The following ERBIN variants were observed in gnomAD, a reference collection of about 807,000 sequenced individuals.
ERBIN encodes erbb2 interacting protein.
A neutral mutation model predicts 158.4 loss-of-function variants in ERBIN; 60 were observed. The ratio of observed to expected loss-of-function variants is 0.38; its 90% CI spans 0.31 to 0.47. ERBIN has a LOEUF of 0.47. Ranked by LOEUF, ERBIN falls within the 20% of genes least tolerant of loss-of-function variation. The pLI is 0.99. For synonymous variants in ERBIN, 594 were observed against 557.2 expected (o/e 1.07, Z -0.93); for missense variants, 1,610 against 1,648.0 (o/e 0.98, Z 0.40).
Position 66,054,466 on chromosome 5 carries a change from C to T in ERBIN, c.3148C>T (p.Pro1050Ser), listed in dbSNP as rs150116651. 6.2e-7 allele frequency: 1 copy of T among 1,614,060 alleles called. No individual in the cohort carries two copies. The highest frequency in any genetic ancestry group is 8.5e-7 in the Non-Finnish European group (1 of 1,180,012). The change falls in exon 21 of 26, where the codon CCA becomes TCA. Residue 1050 changes from proline (P) to serine (S), a missense_variant. Around this residue, in one of 2 missense-constraint regions of ERBIN, gnomAD observed 1,014 missense variants for 936.1 expected, o/e 1.08. Transcript: ENST00000284037. ...ATACCATTTACATCAGAGACTTGGC[C>T]CAGCAAGACATGGGGAAATGTGGGC... is the stretch of plus-strand genomic sequence containing the variant. ...TAYHLHQRLG[P>S]ARHGEMWAIS... is the part of the protein sequence containing the mutation.
chr5:65,957,636 A>C lies in ERBIN; in HGVS notation c.-58+30830A>C, dbSNP rs139871548. Reference sequence around the variant, plus strand: ...CTTCTTTCCACACAGACACAGCAACAATCTGATTTCTCTATCCTTTCCCCA... The same window carrying C: ...CTTCTTTCCACACAGACACAGCAACCATCTGATTTCTCTATCCTTTCCCCA... On this transcript the variant is annotated intron_variant, in intron 1 of 25. Transcript: ENST00000284037. Among the ~76,000 whole-genome samples the C allele has an allele frequency of 8.1e-3, 1,236 of 152,294 alleles. 13 individuals carry two copies. The highest frequency in any genetic ancestry group is 0.028 in the African/African-American group (1,171 of 41,564).
chr5:65,931,585 A>G (rs927419668), intron 1 of ERBIN, among the ~76,000 whole-genome samples: 2 of 152,228 alleles, frequency 1.3e-5, no homozygotes, highest in African/African-American at 4.8e-5. Context: ...TTAGTGTAAC[A>G]TTGTTTTAAT....
chr5:66,032,249 G>A (rs1756964820), intron 14 of ERBIN, among the ~76,000 whole-genome samples: 1 of 152,154 alleles, frequency 6.6e-6, no homozygotes, highest in Non-Finnish European at 1.5e-5. Context: ...CTCAAGGATG[G>A]CAAATAAGAT....
At chr5:65,969,890 T>G (rs989410032) in intron 1 of ERBIN, among the ~76,000 whole-genome samples, 2 of 152,242 alleles carry the variant, frequency 1.3e-5, no homozygotes, top group African/African-American at 4.8e-5. Context: ...TATTGTTATT[T>G]TTCAATAATC....
At chr5:66,009,061 A>C (rs753862831) in intron 4 of ERBIN, among the ~76,000 whole-genome samples, 6 of 152,294 alleles carry the variant, frequency 3.9e-5, no homozygotes, top group Non-Finnish European at 8.8e-5. Flanking sequence ...CCCTCTGCTT[A>C]CTCTGTAACT....
intron 2 of ERBIN, among the ~76,000 whole-genome samples, chr5:65,991,696 C>T (rs1182884982): frequency 2.0e-5 from 3 of 152,122 alleles, no homozygotes; most frequent in Non-Finnish European, 4.4e-5. Context: ...TAGAATTAAC[C>T]TATGTATATA....
Position 66,075,081 on chromosome 5 carries a change from C to CA in ERBIN, c.3817dup (p.Ile1273AsnfsTer15), listed in dbSNP as rs987584666. 1 of 1,614,066 alleles carries CA rather than the reference C, an allele frequency of 6.2e-7. No individual in the cohort carries two copies. The highest frequency in any genetic ancestry group is 1.7e-5 in the Admixed American group (1 of 60,028). ...TCTCAGGCCTCAGGCAAATTATAGT[C>CA]AAATACATCACCCCCCTCAGGCATC... On this transcript the variant is annotated frameshift_variant, in exon 23 of 26. Coordinates refer to ENST00000284037, the MANE Select transcript of ERBIN (RefSeq NM_001253697.2). LOFTEE classifies it high-confidence loss of function.
rs1368786084 is a variant in ERBIN at position 66,081,287 on chromosome 5, T to C, written c.*2757T>C. 6.6e-6 allele frequency: 1 copy of C among 152,000 alleles called. No individual in the cohort carries two copies. Among genetic ancestry groups the C allele is most frequent in the East Asian group, 1.9e-4 (1 of 5,198 alleles). The allele number at this position is 152,000 out of a possible 1,614,324, so 9.4% of individuals were successfully genotyped here. ...TATCACTTCATCTGAATCAATGAAA[T>C]TCTAAAATTCCCTACATATTTATTT... On this transcript the variant is annotated 3_prime_UTR_variant, in exon 26 of 26. Transcript: ENST00000284037.
At chr5:66,076,798 G>A (rs776313003) in intron 24 of ERBIN, 77 bp from the exon 25 acceptor site, 73 of 987,344 alleles carry the variant, frequency 7.4e-5, no homozygotes, top group Non-Finnish European at 1.0e-4. Flanking sequence ...TGCATGGTGT[G>A]GAGGAAAAAT....
chr5:65,983,241 C>T (rs1012148520), intron 1 of ERBIN, among the ~76,000 whole-genome samples: 4 of 152,144 alleles, frequency 2.6e-5, no homozygotes, highest in Non-Finnish European at 5.9e-5. Context: ...TGGGACCAGA[C>T]ATTGATGTTG....
chr5:65,940,874 A>G (rs1387873664), intron 1 of ERBIN, among the ~76,000 whole-genome samples: 1 of 152,144 alleles, frequency 6.6e-6, no homozygotes, highest in Non-Finnish European at 1.5e-5. Context: ...TGGAATAGAA[A>G]GGGGGGAAAG....
At chr5:65,927,209 G>A (rs1186964736) in intron 1 of ERBIN, among the ~76,000 whole-genome samples, 1 of 152,180 alleles carries the variant, frequency 6.6e-6, no homozygotes, top group Non-Finnish European at 1.5e-5. Flanking sequence ...TGAGTGATTT[G>A]CTGTTATTGA....
At chr5:66,078,096 G>T (rs116539934) in intron 25 of ERBIN, among the ~76,000 whole-genome samples, 1,672 of 152,222 alleles carry the variant, frequency 0.011, 29 homozygotes, top group Middle Eastern at 0.065. Context: ...GGGAAGAGTA[G>T]CCCTTGCCCC....
At chr5:66,006,640 C>T (rs1465121361) in intron 4 of ERBIN, among the ~76,000 whole-genome samples, 1 of 152,078 alleles carries the variant, frequency 6.6e-6, no homozygotes, top group Non-Finnish European at 1.5e-5. Context: ...TTGCAATCTA[C>T]TTATCTGACA....
At chr5:66,057,045 T>C (rs1006124335) in intron 21 of ERBIN, among the ~76,000 whole-genome samples, 1 of 152,146 alleles carries the variant, frequency 6.6e-6, no homozygotes, top group Non-Finnish European at 1.5e-5. Context: ...CGTGAAACTT[T>C]TATCTTAAAT....
chr5:66,065,591 CTGTGTGTGTGTGTGTGTGTG>C (rs56164922), intron 21 of ERBIN, among the ~76,000 whole-genome samples: 14,055 of 109,298 alleles, frequency 0.13, 1,104 homozygotes, highest in East Asian at 0.24. Flanking sequence ...TAATTTTGAC[CTGTGTGTGTGTGTGTGTGTG>C]TGTGTGTGTG....
chr5:65,985,717 C>T (rs758822564), intron 1 of ERBIN, among the ~76,000 whole-genome samples: 6 of 152,094 alleles, frequency 3.9e-5, no homozygotes, highest in East Asian at 1.9e-4. Context: ...TATTCGGGTC[C>T]GGCAACTACT....
intron 4 of ERBIN, among the ~76,000 whole-genome samples, chr5:66,009,110 C>G (rs1428579444): frequency 2.0e-5 from 3 of 152,200 alleles, no homozygotes; most frequent in Non-Finnish European, 2.9e-5. Context: ...GACATGTACC[C>G]TAGAATTCTA....
At chr5:66,008,469 C>T (rs1477724971) in intron 4 of ERBIN, among the ~76,000 whole-genome samples, 1 of 151,958 alleles carries the variant, frequency 6.6e-6, no homozygotes, top group Admixed American at 6.6e-5. Context: ...GGGAGATGAT[C>T]CAAGCATTAA....
Sources: gnomAD v4.1 joint callset for allele counts (sites outside exome capture counted in the v4.1 genomes callset) on GRCh38, gnomAD v4.1.1 for gene constraint, gnomAD v4.1.1 regional missense constraint, MANE v1.5 for transcripts, NCBI Gene and HGNC (gene_info 2026-07-23, HGNC 2026-07-21) for gene names.